LIMS1: variants seen among roughly 807,000 people sequenced by gnomAD.
LIMS1 encodes LIM zinc finger domain containing 1, also known as LIM and senescent cell antigen-like-containing domain protein 1.
Under a neutral mutation model 44.1 loss-of-function variants are expected in LIMS1, and 18 were observed. That is an observed-to-expected ratio of 0.41 (90% CI 0.28 to 0.61). The LOEUF is 0.61. Ranked by LOEUF, LIMS1 falls within the 20% of genes least tolerant of loss-of-function variation. LIMS1 has a pLI of 0.32. For synonymous variants in LIMS1, 93 were observed against 149.1 expected, an observed-to-expected ratio of 0.62 and a Z score of 2.74; for missense variants, 201 against 422.0, an observed-to-expected ratio of 0.48 and a Z score of 4.59.
At chr2:108,551,685 CTG>C (rs1004740403) in intron 1 of LIMS1, among the ~76,000 whole-genome samples, 2 of 143,738 alleles carry the variant, frequency 1.4e-5, no homozygotes, top group South Asian at 4.3e-4. Flanking sequence ...CATATATACA[CTG>C]TATACATACA....
At chr2:108,647,096 G>A (rs528909040) in intron 1 of LIMS1, among the ~76,000 whole-genome samples, 4 of 152,018 alleles carry the variant, frequency 2.6e-5, no homozygotes, top group Non-Finnish European at 5.9e-5. Flanking sequence ...AAAGAGAGAA[G>A]AATCAAATAG....
At chr2:108,560,784 G>A (rs574270817) in intron 1 of LIMS1, among the ~76,000 whole-genome samples, 31 of 151,968 alleles carry the variant, frequency 2.0e-4, no homozygotes, top group Admixed American at 1.8e-3. Flanking sequence ...TTTGTTCATC[G>A]TATCCACAAC....
intron 1 of LIMS1, among the ~76,000 whole-genome samples, chr2:108,587,275 T>G (rs889609592): frequency 1.3e-5 from 2 of 148,294 alleles, no homozygotes; most frequent in Non-Finnish European, 3.0e-5. Context: ...AAGTGATGAG[T>G]TGTTTTCTTG....
At chr2:108,608,271 T>C (rs1687383445) in intron 1 of LIMS1, among the ~76,000 whole-genome samples, 1 of 152,104 alleles carries the variant, frequency 6.6e-6, no homozygotes, top group Admixed American at 6.6e-5. Flanking sequence ...TGGTGTATAC[T>C]GTTTGTGTCA....
intron 1 of LIMS1, among the ~76,000 whole-genome samples, chr2:108,631,574 C>T (rs1688924200): frequency 6.8e-6 from 1 of 147,138 alleles, no homozygotes. Context: ...TCTAAGACAT[C>T]TGTTATAGCA....
chr2:108,678,141 T>A, intron 8 of LIMS1, 114 bp downstream of exon 8: 1 of 1,461,676 alleles, frequency 6.8e-7, no homozygotes, highest in Non-Finnish European at 9.3e-7. Flanking sequence ...TATCAGTTAC[T>A]TTTTCTCTAT....
At chr2:108,675,753 G>T in intron 5 of LIMS1, 125 bp from the exon 6 acceptor site, 1 of 1,253,164 alleles carries the variant, frequency 8.0e-7, no homozygotes, top group Non-Finnish European at 1.1e-6. Flanking sequence ...CTCTAAAGGG[G>T]AAAAAAGAAA....
At chr2:108,551,495 ACACACAC>A (rs1684701677) in intron 1 of LIMS1, among the ~76,000 whole-genome samples, 1 of 78,550 alleles carries the variant, frequency 1.3e-5, no homozygotes, top group African/African-American at 5.0e-5. Flanking sequence ...GCGCGCGCAC[ACACACAC>A]ACACACACAC....
chr2:108,681,197 T>C, intron 9 of LIMS1: 1 of 1,255,458 alleles, frequency 8.0e-7, no homozygotes, highest in Non-Finnish European at 1.0e-6. Flanking sequence ...TCTGTTTCTG[T>C]CTTTTGCTTT....
intron 1 of LIMS1, chr2:108,588,664 C>A (rs1375494555): frequency 6.5e-6 from 6 of 919,390 alleles, no homozygotes; most frequent in Non-Finnish European, 3.9e-6. Context: ...TTCCTTATGA[C>A]CTACCTTTCT....
chr2:108,665,089 G>A (rs546387608), intron 2 of LIMS1, among the ~76,000 whole-genome samples: 4 of 152,326 alleles, frequency 2.6e-5, no homozygotes, highest in African/African-American at 9.6e-5. Flanking sequence ...TTAAGTAGAA[G>A]CTTGGCTTTA....
chr2:108,621,400 A>G (rs1411275502), intron 1 of LIMS1: 6 of 1,550,984 alleles, frequency 3.9e-6, no homozygotes, highest in African/African-American at 2.7e-5. Context: ...AGGTCTCTAC[A>G]GGAGAAGACG....
rs1257028443 is a variant in LIMS1, at chr2:108,588,284, C to T, written c.32+53690C>T. 4 of 975,304 alleles carry T rather than the reference C, an allele frequency of 4.1e-6. No homozygotes were observed. In the East Asian group the frequency reaches 4.6e-4, roughly 111 times the overall value. 60.4% of individuals were successfully genotyped at this position (975,304 alleles called of 1,614,324 possible). A position where few individuals can be genotyped will look rare whatever the true frequency, so the allele number is the denominator to read the frequency against. On this transcript the variant is annotated intron_variant, in intron 1 of 9. Transcript: ENST00000544547. ...ACTAAATACAGGAAAAAAAAAAACCCTGAACTTGGTTTCATTGGCTCAAAT... is the reference window on the plus strand; with the variant it reads ...ACTAAATACAGGAAAAAAAAAAACCTTGAACTTGGTTTCATTGGCTCAAAT...
intron 2 of LIMS1, chr2:108,660,471 T>C (rs897337427): frequency 4.6e-5 from 17 of 372,814 alleles, no homozygotes; most frequent in Admixed American, 1.1e-4. Flanking sequence ...TCTCATTGTA[T>C]AGCCCAGGCT....
At chr2:108,614,647 A>G (rs1687835266) in intron 1 of LIMS1, among the ~76,000 whole-genome samples, 2 of 152,206 alleles carry the variant, frequency 1.3e-5, no homozygotes, top group African/African-American at 4.8e-5. Flanking sequence ...TTGAACTTTT[A>G]TATCGGAGTT....
At chr2:108,547,384 G>C (rs1179380505) in intron 1 of LIMS1, among the ~76,000 whole-genome samples, 1 of 152,182 alleles carries the variant, frequency 6.6e-6, no homozygotes. Flanking sequence ...GCATAGGTCA[G>C]TTTGCTAACT....
At chr2:108,585,171 A>T (rs1035030418) in intron 1 of LIMS1, among the ~76,000 whole-genome samples, 1 of 150,432 alleles carries the variant, frequency 6.6e-6, no homozygotes, top group African/African-American at 2.4e-5. Flanking sequence ...AAAAAAAAAA[A>T]GGCGGGGCCA....
chr2:108,642,177 C>T (rs1005667872), intron 1 of LIMS1, among the ~76,000 whole-genome samples: 6 of 152,050 alleles, frequency 3.9e-5, no homozygotes, highest in African/African-American at 1.5e-4. Flanking sequence ...TAGAATGAAG[C>T]ATTTACTAAG....
intron 1 of LIMS1, among the ~76,000 whole-genome samples, chr2:108,568,603 T>TA (rs1480514416): frequency 4.6e-5 from 7 of 152,238 alleles, no homozygotes; most frequent in Non-Finnish European, 1.0e-4. Context: ...AGAACCACCT[T>TA]ACTGTTTTCC....
Sources: gnomAD v4.1 joint callset for allele counts (sites outside exome capture counted in the v4.1 genomes callset) on GRCh38, gnomAD v4.1.1 for gene constraint, MANE v1.5 for transcripts, NCBI Gene and HGNC (gene_info 2026-07-23, HGNC 2026-07-21) for gene names.